Variants in PTCHD4 observed in about 807,000 individuals in gnomAD.
PTCHD4 encodes the protein patched domain-containing protein 4.
A neutral mutation model predicts 58.1 loss-of-function variants in PTCHD4; 33 were observed. The ratio of observed to expected loss-of-function variants is 0.57; its 90% CI spans 0.43 to 0.76. The LOEUF (loss-of-function observed/expected upper bound fraction) is 0.76, where lower values mean the gene tolerates loss of function less well. Among genes scored for constraint, PTCHD4 ranks in the 30% least tolerant of loss-of-function variants. PTCHD4 has a pLI of 0.00. For missense variants in PTCHD4, 1,058 were observed against 1,027.1 expected (o/e 1.03, Z -0.41); for synonymous variants, 478 against 409.6 (o/e 1.17, Z -2.02).
intron 4 of PTCHD4, among the ~76,000 whole-genome samples, chr6:47,956,027 A>G (rs953478350): frequency 2.0e-5 from 3 of 152,206 alleles, no homozygotes; most frequent in African/African-American, 7.2e-5. Context: ...GACATCTAGG[A>G]AAGTATTTCT....
chr6:47,910,709 C>T (rs1765042253), intron 4 of PTCHD4, among the ~76,000 whole-genome samples: 1 of 150,974 alleles, frequency 6.6e-6, no homozygotes, highest in Admixed American at 6.6e-5. Flanking sequence ...CCCTAAATAT[C>T]CATTGTTCCA....
At position 47,905,532 on chromosome 6, in the gene PTCHD4, A is replaced by G. The variant is rs1207768186; in HGVS notation, c.899-25596T>C. ...AAACTATAGCTCTGAAGAGTAAGAA[A>G]AATGTGCAAGTAATTGTTACATGTA... On this transcript the variant is annotated intron_variant, in intron 4 of 4. Transcript: ENST00000339488. Among the ~76,000 whole-genome samples the G allele has an allele frequency of 4.6e-5, 7 of 152,354 alleles. No homozygotes were observed. In the East Asian group the frequency reaches 1.3e-3, roughly 29 times the overall value.
At chr6:48,088,405 A>G (rs1440718766) in intron 1 of PTCHD4, among the ~76,000 whole-genome samples, 5 of 152,206 alleles carry the variant, frequency 3.3e-5, no homozygotes, top group African/African-American at 1.2e-4. Context: ...TTTCTTCATA[A>G]AAAGCAATTG....
intron 1 of PTCHD4, among the ~76,000 whole-genome samples, chr6:48,072,044 C>A (rs1169048570): frequency 6.6e-6 from 1 of 152,166 alleles, no homozygotes; most frequent in African/African-American, 2.4e-5. Context: ...GATCACTCAA[C>A]TGAAGTGGCA....
rs567177073 is a variant in PTCHD4 at position 47,864,297 on chromosome 6, A to G, written c.*14006T>C. Among the ~76,000 whole-genome samples, 1 of 130,718 alleles carries G rather than the reference A, an allele frequency of 7.7e-6. No individual in the cohort carries two copies. The highest frequency in any genetic ancestry group is 1.6e-5 in the Non-Finnish European group (1 of 60,774). 85.8% of individuals were successfully genotyped at this position (130,718 alleles called of 152,430 possible). On this transcript the variant is annotated 3_prime_UTR_variant, in exon 5 of 5. Coordinates refer to ENST00000339488, the MANE Select transcript of PTCHD4 (RefSeq NM_001384253.1). Reference sequence around the variant, plus strand: ...CGCTGCTCTATAAATGGAGCCCATTATTTTTGAGATATATATATACACACA... The same window carrying G: ...CGCTGCTCTATAAATGGAGCCCATTGTTTTTGAGATATATATATACACACA...
intron 3 of PTCHD4, among the ~76,000 whole-genome samples, chr6:48,044,029 A>C (rs995300081): frequency 6.6e-6 from 1 of 151,862 alleles, no homozygotes; most frequent in Admixed American, 6.6e-5. Context: ...TTCCCAATTG[A>C]TCCTCATTAC....
intron 4 of PTCHD4, among the ~76,000 whole-genome samples, chr6:47,957,378 A>G (rs1469031027): frequency 2.0e-5 from 3 of 149,930 alleles, no homozygotes; most frequent in African/African-American, 7.3e-5. Flanking sequence ...TAAAATTTCC[A>G]TTATTTCTAA....
intron 1 of PTCHD4, among the ~76,000 whole-genome samples, chr6:48,100,318 G>C (rs1251402535): frequency 1.3e-5 from 2 of 152,152 alleles, no homozygotes; most frequent in Non-Finnish European, 2.9e-5. Context: ...TGTCTAAACA[G>C]TAGAGTAAAC....
chr6:47,859,961 G>A lies in PTCHD4; in HGVS notation c.*18342C>T, dbSNP rs1287979171. Among the ~76,000 whole-genome samples the A allele has an allele frequency of 1.4e-5, 2 of 139,540 alleles. No homozygotes were observed. The highest frequency in any genetic ancestry group is 2.4e-4 in the East Asian group (1 of 4,128). The allele number at this position is 139,540 out of a possible 152,430, so 91.5% of individuals were successfully genotyped here. Reference sequence around the variant, plus strand: ...GAGAAGTGGTCAGAGCAGGAGACAGGGGAACAGACTGGGTGGGGCTTCCCC... The same window carrying A: ...GAGAAGTGGTCAGAGCAGGAGACAGAGGAACAGACTGGGTGGGGCTTCCCC... On this transcript the variant is annotated 3_prime_UTR_variant, in exon 5 of 5. Transcript: ENST00000339488.
chr6:48,016,310 T>C (rs56131035), intron 3 of PTCHD4, among the ~76,000 whole-genome samples: 1 of 151,766 alleles, frequency 6.6e-6, no homozygotes, highest in Non-Finnish European at 1.5e-5. Context: ...TATTAAGGAG[T>C]TGGACTTAAT....
intron 1 of PTCHD4, among the ~76,000 whole-genome samples, chr6:48,091,857 C>G (rs750288087): frequency 6.6e-6 from 1 of 151,928 alleles, no homozygotes; most frequent in Non-Finnish European, 1.5e-5. Context: ...GCCATGTTGG[C>G]TAGGCTGGTC....
chr6:48,065,240 T>C (rs1764757448), intron 3 of PTCHD4, among the ~76,000 whole-genome samples: 1 of 152,178 alleles, frequency 6.6e-6, no homozygotes, highest in Non-Finnish European at 1.5e-5. Flanking sequence ...GCTTCTTTAA[T>C]GTCAAGTAAT....
chr6:48,068,758 A>G lies in PTCHD4; in HGVS notation c.6-117T>C. The stretch of plus-strand genomic sequence containing the variant: ...CCGCCTCCCCACCCACTCCGCGCTC[A>G]CCCCACAACCACTCCGCCTGGTCTT... On this transcript the variant is annotated intron_variant, in intron 2 of 4. Transcript: ENST00000339488. This position sits in a 1 kb window ranked among gnomAD's most constrained non-coding sequence, Gnocchi z 4.2. 1.2e-6 allele frequency: 1 copy of G among 865,472 alleles called. No homozygotes were observed. The highest frequency in any genetic ancestry group is 1.8e-5 in the South Asian group (1 of 55,758). The allele number at this position is 865,472 out of a possible 1,614,324, so 53.6% of individuals were successfully genotyped here. A position where few individuals can be genotyped will look rare whatever the true frequency, so the allele number is the denominator to read the frequency against.
chr6:47,918,646 A>T (rs1765334570), intron 4 of PTCHD4, among the ~76,000 whole-genome samples: 1 of 152,170 alleles, frequency 6.6e-6, no homozygotes, highest in Non-Finnish European at 1.5e-5. Context: ...TTTCAATGGA[A>T]TTTTTTCCCT....
intron 4 of PTCHD4, chr6:47,900,528 A>G (rs1212195937): frequency 6.6e-6 from 1 of 152,196 alleles, no homozygotes; most frequent in Non-Finnish European, 1.5e-5. Flanking sequence ...CTCTTATAAG[A>G]TAGATAATTT....
rs1164094581 is a variant in PTCHD4 at position 47,875,066 on chromosome 6, A to G, written c.*3237T>C. On this transcript the variant is annotated 3_prime_UTR_variant, in exon 5 of 5. Transcript: ENST00000339488. ...GAAATAAATCCACATTCCAGTTTACATACAGAAAAAGAGTAGTTTTTTCAA... is the reference window on the plus strand; with the variant it reads ...GAAATAAATCCACATTCCAGTTTACGTACAGAAAAAGAGTAGTTTTTTCAA... Among the ~76,000 whole-genome samples, 1 of 151,852 alleles carries G rather than the reference A, an allele frequency of 6.6e-6. No individual in the cohort carries two copies. The highest frequency in any genetic ancestry group is 2.1e-4 in the South Asian group (1 of 4,820).
intron 1 of PTCHD4, among the ~76,000 whole-genome samples, chr6:48,075,344 A>G (rs1430162114): frequency 6.6e-6 from 1 of 152,152 alleles, no homozygotes; most frequent in Admixed American, 6.5e-5. Context: ...TTATAAATGA[A>G]TCATAAGTAT....
At chr6:47,976,248 C>A (rs1767684437) in intron 4 of PTCHD4, among the ~76,000 whole-genome samples, 1 of 152,122 alleles carries the variant, frequency 6.6e-6, no homozygotes, top group Non-Finnish European at 1.5e-5. Context: ...AGAATGAATT[C>A]CTTAGTCTTC....
rs562894980 is a variant in PTCHD4 at position 48,072,677 on chromosome 6, C to CTG, written c.-969-2753_-969-2752dup. Among the ~76,000 whole-genome samples, 85 of 151,828 alleles carry CTG rather than the reference C, an allele frequency of 5.6e-4. No individual in the cohort carries two copies. In the East Asian group the frequency reaches 8.9e-3, roughly 16 times the overall value. ...TACATGGATGTATACTTATCTATAT[C>CTG]TGTGTGTGTGTGTTGTGTATCTGTA... is the stretch of plus-strand genomic sequence containing the variant. On this transcript the variant is annotated intron_variant, in intron 1 of 4. Coordinates refer to ENST00000339488, the MANE Select transcript of PTCHD4 (RefSeq NM_001384253.1).
Sources: allele counts gnomAD v4.1 joint callset (sites outside exome capture counted in the v4.1 genomes callset), GRCh38; gene constraint gnomAD v4.1.1; non-coding constraint Gnocchi (gnomAD v3.1); transcripts MANE v1.5; gene names NCBI Gene and HGNC (gene_info 2026-07-23, HGNC 2026-07-21).